The following DACH2 variants were observed in gnomAD, a reference collection of about 807,000 sequenced individuals.
DACH2 encodes the protein dachshund homolog 2.
In DACH2, 17 loss-of-function variants were observed where a neutral mutation model predicts 35.8. The observed-to-expected ratio is 0.48, with a 90% confidence interval of 0.33 to 0.71. The LOEUF (loss-of-function observed/expected upper bound fraction) is 0.71. Ranked by LOEUF, DACH2 falls within the 30% of genes least tolerant of loss-of-function variation. The pLI, the probability that DACH2 is intolerant of heterozygous loss-of-function variation, is 0.02. For missense variants in DACH2, 469 were observed against 472.7 expected, an observed-to-expected ratio of 0.99 and a Z score of 0.07; for synonymous variants, 195 against 177.3, an observed-to-expected ratio of 1.10 and a Z score of -0.79.
chrX:86,611,710 C>A (rs1342973625), intron 3 of DACH2, among the ~76,000 whole-genome samples: 1 of 110,911 alleles, frequency 9.0e-6, no homozygotes. Context: ...GCACTAAATT[C>A]AATGCCAAGT....
At chrX:86,680,809 AT>A (rs1043887869) in intron 4 of DACH2, among the ~76,000 whole-genome samples, 2 of 108,480 alleles carry the variant, frequency 1.8e-5, no homozygotes, top group Admixed American at 1.0e-4. Context: ...ATGGCTGGCT[AT>A]TTTTTTAATT....
intron 11 of DACH2, among the ~76,000 whole-genome samples, chrX:86,816,452 C>G (rs1279616667): frequency 3.6e-5 from 4 of 111,485 alleles, no homozygotes; most frequent in Non-Finnish European, 7.6e-5. Context: ...GTGTACAATA[C>G]CATGAGGTAT....
intron 4 of DACH2, among the ~76,000 whole-genome samples, chrX:86,684,419 G>A (rs752975143): frequency 3.8e-4 from 42 of 111,266 alleles, no homozygotes; most frequent in African/African-American, 1.2e-3. Flanking sequence ...AAAGCATGGC[G>A]TATTTGGTTA....
At chrX:86,749,594 C>T (rs184827806) in intron 7 of DACH2, among the ~76,000 whole-genome samples, 76 of 110,819 alleles carry the variant, frequency 6.9e-4, no homozygotes, top group Admixed American at 6.7e-3. Context: ...ATTAGAGTAA[C>T]ATCAAAGATC....
At chrX:86,522,040 A>T (rs190895883) in intron 3 of DACH2, among the ~76,000 whole-genome samples, 26 of 111,415 alleles carry the variant, frequency 2.3e-4, no homozygotes, top group South Asian at 7.4e-4. Context: ...TTTTTATCTG[A>T]TTTTATTTTC....
intron 2 of DACH2, among the ~76,000 whole-genome samples, chrX:86,391,048 A>G (rs758276748): frequency 6.6e-4 from 72 of 108,737 alleles, no homozygotes; most frequent in African/African-American, 2.3e-3. Flanking sequence ...TGGGAGGCTA[A>G]GGCGGGTGGA....
At chrX:86,187,532 C>G (rs1422513497) in intron 1 of DACH2, among the ~76,000 whole-genome samples, 2 of 107,838 alleles carry the variant, frequency 1.9e-5, no homozygotes, top group African/African-American at 6.8e-5. Flanking sequence ...ATCCTCGTGT[C>G]TCAGTCTCAT....
chrX:86,287,770 T>C (rs1326522431), intron 1 of DACH2, among the ~76,000 whole-genome samples: 1 of 112,207 alleles, frequency 8.9e-6, no homozygotes, highest in Non-Finnish European at 1.9e-5. Flanking sequence ...ATTTATCTGA[T>C]AGAATTCTGA....
chrX:86,245,184 GA>G (rs957731831), intron 1 of DACH2, among the ~76,000 whole-genome samples: 1 of 110,974 alleles, frequency 9.0e-6, no homozygotes. Flanking sequence ...AAGAAGCATT[GA>G]AAAAAAACTC....
chrX:86,342,161 G>A (rs1461715655), intron 1 of DACH2, among the ~76,000 whole-genome samples: 1 of 111,331 alleles, frequency 9.0e-6, no homozygotes, highest in Admixed American at 9.6e-5. Flanking sequence ...AATATTTTGA[G>A]AAAGAAGTCA....
chrX:86,160,519 G>A, intron 1 of DACH2: 1 of 529,668 alleles, frequency 1.9e-6, no homozygotes, highest in Non-Finnish European at 3.5e-6. Context: ...TGCATGCAGT[G>A]TGAGCCATGT....
At position 86,653,663 on chromosome X, in the gene DACH2, CTT is replaced by C. The variant is rs34499664; in HGVS notation, c.772+2515_772+2516del. Among the ~76,000 whole-genome samples, 58 of 69,634 alleles carry C rather than the reference CTT, an allele frequency of 8.3e-4. 1 individual carries two copies. The highest frequency in any genetic ancestry group is 3.5e-3 in the East Asian group (7 of 2,007). The allele number at this position is 69,634 out of a possible 115,157, so 60.5% of individuals were successfully genotyped here. ...GCTTAGTTTGGCCGGATATAAAATC[CTT>C]TTTTTTTTTTTTTTTTTTGAGACGG... is the stretch of plus-strand genomic sequence containing the variant. On this transcript the variant is annotated intron_variant, in intron 4 of 11. Coordinates refer to ENST00000373125, the MANE Select transcript of DACH2 (RefSeq NM_053281.3).
intron 2 of DACH2, among the ~76,000 whole-genome samples, chrX:86,461,589 C>A (rs2037574363): frequency 9.0e-6 from 1 of 111,308 alleles, no homozygotes; most frequent in South Asian, 3.7e-4. Flanking sequence ...ACTACACCTT[C>A]TTTACTTTTA....
chrX:86,293,104 G>A (rs1602367733), intron 1 of DACH2, among the ~76,000 whole-genome samples: 1 of 93,274 alleles, frequency 1.1e-5, no homozygotes, highest in East Asian at 3.5e-4. Context: ...ATGAATCTGG[G>A]TGCTCCTGTA....
At chrX:86,428,997 A>C in intron 2 of DACH2, among the ~76,000 whole-genome samples, 1 of 111,409 alleles carries the variant, frequency 9.0e-6, no homozygotes, top group Middle Eastern at 4.6e-3. Flanking sequence ...TGGAGACTTA[A>C]AAGCCCAGCA....
At chrX:86,226,652 C>CA (rs1433301352) in intron 1 of DACH2, among the ~76,000 whole-genome samples, 3 of 111,687 alleles carry the variant, frequency 2.7e-5, no homozygotes, top group African/African-American at 9.7e-5. Flanking sequence ...AATTTCTTTA[C>CA]AAAATCACAA....
At chrX:86,619,300 G>A (rs184248089) in intron 3 of DACH2, among the ~76,000 whole-genome samples, 51 of 111,077 alleles carry the variant, frequency 4.6e-4, no homozygotes, top group African/African-American at 1.6e-3. Flanking sequence ...TTTAGACTTG[G>A]GCAGCTGCCC....
At chrX:86,388,553 T>C (rs1205355970) in intron 2 of DACH2, among the ~76,000 whole-genome samples, 2 of 111,593 alleles carry the variant, frequency 1.8e-5, no homozygotes, top group African/African-American at 6.5e-5. Flanking sequence ...TGTATTTGAA[T>C]GTGAGAAGTT....
At chrX:86,606,921 G>A (rs1041021389) in intron 3 of DACH2, among the ~76,000 whole-genome samples, 1 of 111,737 alleles carries the variant, frequency 8.9e-6, no homozygotes, top group Admixed American at 9.5e-5. Flanking sequence ...TTCTCTTGCT[G>A]AATTGAGCCT....
Sources: gnomAD v4.1 joint callset for allele counts (sites outside exome capture counted in the v4.1 genomes callset) on GRCh38, gnomAD v4.1.1 for gene constraint, MANE v1.5 for transcripts, NCBI Gene and HGNC (gene_info 2026-07-23, HGNC 2026-07-21) for gene names.